LINGO2: variants seen among roughly 807,000 people sequenced by gnomAD.
LINGO2 encodes the protein leucine rich repeat and Ig domain containing 2, also known as leucine-rich repeat and immunoglobulin-like domain-containing nogo receptor-interacting protein 2.
A neutral mutation model predicts 30.6 loss-of-function variants in LINGO2; 14 were observed. The ratio of observed to expected loss-of-function variants is 0.46; its 90% CI spans 0.30 to 0.72. The LOEUF (loss-of-function observed/expected upper bound fraction) is 0.72. LINGO2 is among the 30% of genes least tolerant of loss of function. LINGO2 has a pLI of 0.07. For synonymous variants in LINGO2, 317 were observed against 288.5 expected (o/e 1.10, Z -1.00); for missense variants, 729 against 751.7 (o/e 0.97, Z 0.35).
intron 5 of LINGO2, among the ~76,000 whole-genome samples, chr9:27,964,061 T>A (rs1197988589): frequency 6.6e-6 from 1 of 152,046 alleles, no homozygotes; most frequent in African/African-American, 2.4e-5. Flanking sequence ...AAATATATCT[T>A]TATACATGAT....
At chr9:28,008,287 C>T (rs1446527798) in intron 5 of LINGO2, among the ~76,000 whole-genome samples, 1 of 152,052 alleles carries the variant, frequency 6.6e-6, no homozygotes. Context: ...ATCATCATAA[C>T]TTGTGTGTTA....
At chr9:28,819,676 C>T in the LINGO2 span, among the ~76,000 whole-genome samples, 5,071 of 152,170 alleles carry the variant, frequency 0.033, 295 homozygotes, top group African/African-American at 0.11. Context: ...TGTTCTCTAA[C>T]TTTGTATCAC....
At position 28,316,873 on chromosome 9, in the gene LINGO2, G is replaced by A. The variant is rs76708401; in HGVS notation, c.-245-21507C>T. On this transcript the variant is annotated intron_variant, in intron 3 of 5. Coordinates refer to ENST00000379992, the Ensembl canonical transcript of LINGO2. Reference sequence around the variant, plus strand: ...GAGGGATTTTTAAGCACCCTTATCTGCTAGCCATCTGAGAATACAGAAAGC... The same window carrying A: ...GAGGGATTTTTAAGCACCCTTATCTACTAGCCATCTGAGAATACAGAAAGC... Among the ~76,000 whole-genome samples the A allele has an allele frequency of 6.4e-4, 98 of 152,226 alleles. 1 individual carries two copies. In the East Asian group the frequency reaches 0.015, roughly 23 times the overall value.
chr9:28,635,633 A>T (rs1055674767), intron 1 of LINGO2, among the ~76,000 whole-genome samples: 1 of 152,166 alleles, frequency 6.6e-6, no homozygotes, highest in South Asian at 2.1e-4. Flanking sequence ...ATTTATAATT[A>T]ATTACTAAAT....
At chr9:28,337,550 G>A (rs1825630884) in intron 3 of LINGO2, among the ~76,000 whole-genome samples, 1 of 152,192 alleles carries the variant, frequency 6.6e-6, no homozygotes, top group African/African-American at 2.4e-5. Context: ...CTGCACAGCA[G>A]CCTCTCCCAT....
the LINGO2 span, among the ~76,000 whole-genome samples, chr9:28,966,096 A>G: frequency 6.6e-6 from 1 of 152,166 alleles, no homozygotes; most frequent in Non-Finnish European, 1.5e-5. Flanking sequence ...GCCCAGAGGA[A>G]GGTGATTGGC....
intron 1 of LINGO2, among the ~76,000 whole-genome samples, chr9:28,632,709 T>TATATATATATATATATATTTATATATA (rs1827020202): frequency 7.4e-6 from 1 of 134,256 alleles, no homozygotes; most frequent in African/African-American, 2.8e-5. Context: ...TCTATATATT[T>TATATATATATATATATATTTATATATA]ATATATAGAT....
chr9:28,878,398 C>G, the LINGO2 span, among the ~76,000 whole-genome samples: 2 of 152,266 alleles, frequency 1.3e-5, no homozygotes, highest in South Asian at 2.1e-4. Context: ...CAGCCGAATT[C>G]TACCAGAGGT....
the LINGO2 span, among the ~76,000 whole-genome samples, chr9:29,162,535 GA>G: frequency 5.9e-5 from 9 of 152,082 alleles, no homozygotes; most frequent in Non-Finnish European, 1.3e-4. Flanking sequence ...GAATAGTCAT[GA>G]AAGGCACAAT....
intron 4 of LINGO2, among the ~76,000 whole-genome samples, chr9:28,080,312 G>A (rs560401002): frequency 1.8e-4 from 28 of 152,258 alleles, no homozygotes; most frequent in Non-Finnish European, 3.8e-4. Flanking sequence ...GTCTGGTGGA[G>A]TTTTTCCAGC....
intron 4 of LINGO2, among the ~76,000 whole-genome samples, chr9:28,169,303 T>TA (rs1287516954): frequency 6.6e-6 from 1 of 152,184 alleles, no homozygotes; most frequent in Non-Finnish European, 1.5e-5. Flanking sequence ...AAATATTCTT[T>TA]AAAATGAGTA....
chr9:28,056,661 C>T (rs1489797586), intron 4 of LINGO2, among the ~76,000 whole-genome samples: 1 of 152,118 alleles, frequency 6.6e-6, no homozygotes, highest in Non-Finnish European at 1.5e-5. Flanking sequence ...TAAGAATGAT[C>T]TTAGATATGT....
At chr9:28,691,781 G>C in the LINGO2 span, among the ~76,000 whole-genome samples, 1 of 152,062 alleles carries the variant, frequency 6.6e-6, no homozygotes, top group Non-Finnish European at 1.5e-5. Context: ...TGTACTAATA[G>C]GAATGCATCT....
rs192616265 is a variant in LINGO2 at position 28,528,219 on chromosome 9, T to C, written c.-364-52194A>G. On this transcript the variant is annotated intron_variant, in intron 1 of 5. Coordinates refer to ENST00000379992, the Ensembl canonical transcript of LINGO2. ...CTGTTCAACTTCTGAGAAAATTACT[T>C]CGGTTTTCTGTTAAATGCCAAATTG... is the stretch of plus-strand genomic sequence containing the variant. Among the ~76,000 whole-genome samples, 414 of 152,296 alleles carry C rather than the reference T, an allele frequency of 2.7e-3. 19 individuals are homozygous for C. Among genetic ancestry groups the C allele is most frequent in the Admixed American group, 0.027 (413 of 15,298 alleles).
chr9:28,581,430 A>G (rs1315148941), intron 1 of LINGO2, among the ~76,000 whole-genome samples: 1 of 151,504 alleles, frequency 6.6e-6, no homozygotes, highest in African/African-American at 2.4e-5. Flanking sequence ...AAATCAAATC[A>G]TCCACTATGA....
At chr9:28,756,694 T>G in the LINGO2 span, among the ~76,000 whole-genome samples, 7 of 151,968 alleles carry the variant, frequency 4.6e-5, no homozygotes, top group Middle Eastern at 3.4e-3. Flanking sequence ...TGATAGTGAG[T>G]GAGTTCTCAT....
At chr9:29,005,278 C>T in the LINGO2 span, among the ~76,000 whole-genome samples, 1 of 151,724 alleles carries the variant, frequency 6.6e-6, no homozygotes. Context: ...ATCAGGGTTA[C>T]CTTCCAAAAG....
chr9:28,323,443 T>C (rs1037453072), intron 3 of LINGO2, among the ~76,000 whole-genome samples: 2 of 151,952 alleles, frequency 1.3e-5, no homozygotes, highest in African/African-American at 4.8e-5. Flanking sequence ...CTACTAAAAA[T>C]ACAAAAATTA....
At chr9:28,667,207 G>A (rs536512055) in intron 1 of LINGO2, among the ~76,000 whole-genome samples, 12 of 152,212 alleles carry the variant, frequency 7.9e-5, no homozygotes, top group Admixed American at 2.6e-4. Context: ...TGTTTATATA[G>A]AAATTGTAAT....
Sources: gnomAD v4.1 joint callset for allele counts (sites outside exome capture counted in the v4.1 genomes callset) on GRCh38, gnomAD v4.1.1 for gene constraint, MANE v1.5 for transcripts, NCBI Gene and HGNC (gene_info 2026-07-23, HGNC 2026-07-21) for gene names.